Variants in ADAMTSL1 observed in about 807,000 individuals in gnomAD.
ADAMTSL1 encodes the protein ADAMTS like 1.
In ADAMTSL1, 126 loss-of-function variants were observed where a neutral mutation model predicts 201.8. The ratio of observed to expected loss-of-function variants is 0.62; its 90% CI spans 0.54 to 0.72. The LOEUF (loss-of-function observed/expected upper bound fraction) is 0.72, where lower values mean the gene tolerates loss of function less well. ADAMTSL1 is among the 30% of genes least tolerant of loss of function. The pLI, the probability that ADAMTSL1 is intolerant of heterozygous loss-of-function variation, is 0.00. For synonymous variants in ADAMTSL1, 1,121 were observed against 903.4 expected, an observed-to-expected ratio of 1.24 and a Z score of -4.32; for missense variants, 2,679 against 2,277.8, an observed-to-expected ratio of 1.18 and a Z score of -3.59.
rs540369153 is a variant in ADAMTSL1 at position 18,869,841 on chromosome 9, T to G, written c.4250-17990T>G. ...TTAGAACTTTCAGATTTCCCAAAATTTGGGAAGTTTGAGGATTTTATTTCT... is the reference window on the plus strand; with the variant it reads ...TTAGAACTTTCAGATTTCCCAAAATGTGGGAAGTTTGAGGATTTTATTTCT... On this transcript the variant is annotated intron_variant, in intron 23 of 28. Coordinates refer to ENST00000380548, the MANE Select transcript of ADAMTSL1 (RefSeq NM_001040272.6). Among the ~76,000 whole-genome samples the G allele has an allele frequency of 1.4e-4, 21 of 152,306 alleles. No homozygotes were observed. In the South Asian group the frequency reaches 4.3e-3, roughly 32 times the overall value.
intron 23 of ADAMTSL1, among the ~76,000 whole-genome samples, chr9:18,875,808 C>G (rs934937253): frequency 6.6e-6 from 1 of 152,108 alleles, no homozygotes; most frequent in Non-Finnish European, 1.5e-5. Flanking sequence ...TCTTTGTTGA[C>G]TGTCTTGATG....
intron 21 of ADAMTSL1, among the ~76,000 whole-genome samples, chr9:18,822,090 G>A (rs62549128): frequency 2.3e-4 from 35 of 152,174 alleles, no homozygotes; most frequent in African/African-American, 7.9e-4. Flanking sequence ...CTTTTCCTTC[G>A]CTGTTTTAAG....
chr9:18,236,087 A>C (rs1204496552), intron 2 of ADAMTSL1, among the ~76,000 whole-genome samples: 5 of 152,152 alleles, frequency 3.3e-5, no homozygotes, highest in African/African-American at 1.2e-4. Context: ...AATTCCAAAT[A>C]ATCAGTACCC....
intron 3 of ADAMTSL1, among the ~76,000 whole-genome samples, chr9:18,561,066 T>C (rs1328943159): frequency 6.6e-6 from 1 of 151,980 alleles, no homozygotes; most frequent in Non-Finnish European, 1.5e-5. Flanking sequence ...TTCCTGTTCC[T>C]GTTTTGAAAT....
At chr9:18,095,820 C>T (rs12686297) in intron 1 of ADAMTSL1, among the ~76,000 whole-genome samples, 5,498 of 152,226 alleles carry the variant, frequency 0.036, 364 homozygotes, top group East Asian at 0.35. Flanking sequence ...TTAAGAAGCC[C>T]TGGTTTCTTT....
At chr9:18,629,117 A>T (rs1202048829) in intron 5 of ADAMTSL1, among the ~76,000 whole-genome samples, 1 of 152,162 alleles carries the variant, frequency 6.6e-6, no homozygotes, top group Non-Finnish European at 1.5e-5. Context: ...TATTATGTAA[A>T]CTTGATACAC....
intron 1 of ADAMTSL1, among the ~76,000 whole-genome samples, chr9:18,046,085 T>A (rs1184657512): frequency 1.3e-5 from 2 of 152,160 alleles, no homozygotes; most frequent in Non-Finnish European, 2.9e-5. Context: ...AGTTTTCTAA[T>A]CTGTGAAAGC....
intron 2 of ADAMTSL1, among the ~76,000 whole-genome samples, chr9:18,245,565 A>G (rs1327421493): frequency 6.6e-6 from 1 of 152,152 alleles, no homozygotes; most frequent in Non-Finnish European, 1.5e-5. Context: ...ATGGGTCAGG[A>G]TATAACTGGG....
chr9:18,014,109 T>C (rs929937837), intron 1 of ADAMTSL1, among the ~76,000 whole-genome samples: 5 of 152,030 alleles, frequency 3.3e-5, no homozygotes, highest in East Asian at 1.9e-4. Context: ...TCATTTTAAG[T>C]ATACTTTTTC....
intron 19 of ADAMTSL1, among the ~76,000 whole-genome samples, chr9:18,794,483 A>G (rs1453437330): frequency 6.6e-6 from 1 of 152,100 alleles, no homozygotes; most frequent in Non-Finnish European, 1.5e-5. Context: ...CTAAATAAAG[A>G]CAATAGATGT....
intron 23 of ADAMTSL1, among the ~76,000 whole-genome samples, chr9:18,861,776 A>G (rs1196305113): frequency 2.0e-5 from 3 of 152,130 alleles, no homozygotes; most frequent in African/African-American, 4.8e-5. Context: ...TTGCCAGAGC[A>G]TATTCTTATC....
intron 1 of ADAMTSL1, among the ~76,000 whole-genome samples, chr9:18,124,390 A>G (rs1033909715): frequency 1.4e-4 from 21 of 152,166 alleles, no homozygotes; most frequent in African/African-American, 3.9e-4. Flanking sequence ...AGCCACTTCT[A>G]TATCTTTGGG....
intron 1 of ADAMTSL1, among the ~76,000 whole-genome samples, chr9:18,159,963 A>G (rs1451646058): frequency 6.6e-6 from 1 of 151,986 alleles, no homozygotes; most frequent in Non-Finnish European, 1.5e-5. Context: ...GAAGTAGAGA[A>G]TAGAAAGTTA....
At chr9:18,288,270 C>T (rs181714578) in intron 2 of ADAMTSL1, among the ~76,000 whole-genome samples, 13 of 152,090 alleles carry the variant, frequency 8.5e-5, no homozygotes, top group Admixed American at 2.6e-4. Context: ...TCAATGTCTC[C>T]GGCAGTCAAA....
chr9:18,440,427 A>G lies in ADAMTSL1; in HGVS notation c.208-64402A>G, dbSNP rs372135228. ...TCTTAAAACGTAAAAGTTTAATGAC[A>G]GGGGAGATAAGGACCCATCCTGCTC... On this transcript the variant is annotated intron_variant, in intron 2 of 29. Transcript: ENST00000680146. Among the ~76,000 whole-genome samples the G allele has an allele frequency of 3.8e-4, 58 of 152,078 alleles. No homozygotes were observed. In the South Asian group the frequency reaches 0.011, roughly 29 times the overall value.
intron 16 of ADAMTSL1, among the ~76,000 whole-genome samples, chr9:18,757,642 T>C (rs1819850081): frequency 6.6e-6 from 1 of 152,040 alleles, no homozygotes. Context: ...GCAGAGAGCC[T>C]CCCTCTTCTG....
intron 2 of ADAMTSL1, among the ~76,000 whole-genome samples, chr9:18,291,047 C>T (rs1833239541): frequency 6.6e-6 from 1 of 152,134 alleles, no homozygotes; most frequent in African/African-American, 2.4e-5. Context: ...TCCCAAAGTG[C>T]TGGGATTACA....
At chr9:18,400,939 C>T (rs899899774) in intron 2 of ADAMTSL1, among the ~76,000 whole-genome samples, 8 of 152,104 alleles carry the variant, frequency 5.3e-5, no homozygotes, top group African/African-American at 1.9e-4. Flanking sequence ...AGCATAAATA[C>T]ACCTCACTAA....
At chr9:18,430,694 A>G (rs1819449190) in intron 2 of ADAMTSL1, among the ~76,000 whole-genome samples, 1 of 152,166 alleles carries the variant, frequency 6.6e-6, no homozygotes. Context: ...GCCAAGGCCA[A>G]TCCATTGTCT....
Sources: allele counts gnomAD v4.1 joint callset (sites outside exome capture counted in the v4.1 genomes callset), GRCh38; gene constraint gnomAD v4.1.1; transcripts MANE v1.5; gene names NCBI Gene and HGNC (gene_info 2026-07-23, HGNC 2026-07-21).